Variants in DYRK4 observed in about 807,000 individuals in gnomAD.
DYRK4 encodes dual specificity tyrosine phosphorylation regulated kinase 4, also known as dual specificity tyrosine-phosphorylation-regulated kinase 4.
A neutral mutation model predicts 68.3 loss-of-function variants in DYRK4; 64 were observed. That is an observed-to-expected ratio of 0.94 (90% confidence interval 0.77 to 1.15). DYRK4 has a LOEUF of 1.15. Among genes scored for constraint, DYRK4 ranks in the 50% most tolerant of loss-of-function variants. DYRK4 has a pLI of 0.00. For synonymous variants in DYRK4, 274 were observed against 289.9 expected (o/e 0.95, Z 0.56); for missense variants, 740 against 764.7 (o/e 0.97, Z 0.38).
intron 8 of DYRK4, among the ~76,000 whole-genome samples, chr12:4,597,359 A>G (rs1945030478): frequency 6.6e-6 from 1 of 152,252 alleles, no homozygotes; most frequent in African/African-American, 2.4e-5. Flanking sequence ...GTGAGCTCTC[A>G]GAGTGTTACT....
chr12:4,598,036 A>G (rs1252460546), intron 8 of DYRK4, among the ~76,000 whole-genome samples: 1 of 152,232 alleles, frequency 6.6e-6, no homozygotes, highest in Non-Finnish European at 1.5e-5. Context: ...ACTGCACTCC[A>G]GCCTGGTCAA....
chr12:4,605,873 T>G (rs2137398657), intron 11 of DYRK4, among the ~76,000 whole-genome samples: 1 of 151,606 alleles, frequency 6.6e-6, no homozygotes, highest in South Asian at 2.1e-4. Flanking sequence ...AGGAAGCCTG[T>G]TCTAATTAAT....
chr12:4,595,986 T>C (rs1945013224), intron 6 of DYRK4, among the ~76,000 whole-genome samples, 163 bp from the exon 7 acceptor site: 1 of 152,186 alleles, frequency 6.6e-6, no homozygotes, highest in Admixed American at 6.5e-5. Flanking sequence ...CTCCTCATCA[T>C]AGTCGCAATG....
intron 1 of DYRK4, among the ~76,000 whole-genome samples, chr12:4,562,782 C>T (rs997303154): frequency 6.6e-6 from 1 of 152,234 alleles, no homozygotes; most frequent in Non-Finnish European, 1.5e-5. Flanking sequence ...CCTCTGTGCT[C>T]AACCAGGGCC....
rs140237815 is a variant in DYRK4 at position 4,604,939 on chromosome 12, C to T, written c.1152C>T (p.Phe384=). 4 of 1,611,478 alleles carry T rather than the reference C, an allele frequency of 2.5e-6. No homozygotes were observed. The African/African-American group carries it at 4.0e-5, about 16-fold the overall frequency. ...TATACACGTACATCCAAAGCCGGTT[C>T]TACCGATCCCCAGAAGTGATCCTGG... ...QKVYTYIQSR[F]YRSPEVILGH... is the part of the protein sequence containing the mutation. Residue 384 remains phenylalanine (F), a synonymous_variant, in exon 11 of 15, where the codon TTC becomes TTT. Coordinates refer to ENST00000543431, the MANE Select transcript of DYRK4 (RefSeq NM_001394779.1).
At chr12:4,588,663 G>A (rs1054694024) in intron 2 of DYRK4, among the ~76,000 whole-genome samples, 1 of 152,182 alleles carries the variant, frequency 6.6e-6, no homozygotes, top group African/African-American at 2.4e-5. Context: ...TTAAGATTTT[G>A]TTGGAAGAAA....
chr12:4,585,008 C>T (rs759172837), intron 2 of DYRK4, among the ~76,000 whole-genome samples: 37 of 152,230 alleles, frequency 2.4e-4, no homozygotes, highest in African/African-American at 7.0e-4. Context: ...ACTCACAAGA[C>T]GGCAGAGGAG....
chr12:4,587,428 C>T (rs898112902), intron 2 of DYRK4, among the ~76,000 whole-genome samples: 2 of 152,158 alleles, frequency 1.3e-5, no homozygotes, highest in African/African-American at 4.8e-5. Flanking sequence ...CCCTTTGTTT[C>T]GTATTTAGTT....
chr12:4,569,376 A>G (rs1944708730), intron 2 of DYRK4, among the ~76,000 whole-genome samples: 1 of 152,236 alleles, frequency 6.6e-6, no homozygotes. Context: ...CAAACAGAAC[A>G]GTATTGGTTA....
intron 12 of DYRK4, 147 bp downstream of exon 12, chr12:4,607,534 G>A: frequency 1.2e-6 from 1 of 862,388 alleles, no homozygotes; most frequent in Non-Finnish European, 1.8e-6. Context: ...AATGAGCAGG[G>A]GAATCGGATA....
chr12:4,580,994 T>C (rs1944836780), intron 2 of DYRK4: 2 of 402,528 alleles, frequency 5.0e-6, no homozygotes, highest in African/African-American at 2.1e-5. Flanking sequence ...ACATCCAGCG[T>C]TCGGTCCAAG....
At chr12:4,582,407 G>A (rs1944852425) in intron 2 of DYRK4, among the ~76,000 whole-genome samples, 1 of 152,196 alleles carries the variant, frequency 6.6e-6, no homozygotes, top group Admixed American at 6.5e-5. Flanking sequence ...TGGCGCCACT[G>A]CACTCCAGCA....
intron 1 of DYRK4, among the ~76,000 whole-genome samples, chr12:4,565,908 C>T (rs1246745997): frequency 1.3e-5 from 2 of 152,188 alleles, no homozygotes; most frequent in Non-Finnish European, 2.9e-5. Context: ...GGATTACAGG[C>T]GTGAGCCACC....
At chr12:4,588,561 G>A (rs1944920962) in intron 2 of DYRK4, among the ~76,000 whole-genome samples, 1 of 152,178 alleles carries the variant, frequency 6.6e-6, no homozygotes, top group African/African-American at 2.4e-5. Context: ...CACTCAGGGC[G>A]AAAAGACTTC....
chr12:4,606,838 T>A (rs553305015), intron 11 of DYRK4, among the ~76,000 whole-genome samples: 1 of 152,364 alleles, frequency 6.6e-6, no homozygotes, highest in African/African-American at 2.4e-5. Context: ...TCCTTATCTC[T>A]GTGTGCCCCT....
Position 4,607,324 on chromosome 12 carries a change from A to C in DYRK4, c.1300-3A>C. 1 of 1,614,196 alleles carries C rather than the reference A, an allele frequency of 6.2e-7. No individual in the cohort carries two copies. The highest frequency in any genetic ancestry group is 8.5e-7 in the Non-Finnish European group (1 of 1,180,022). On this transcript the variant is annotated splice_polypyrimidine_tract_variant and splice_region_variant and intron_variant, in intron 11 of 14. Coordinates refer to ENST00000543431, the MANE Select transcript of DYRK4 (RefSeq NM_001394779.1). ...ATGAACCAATTGAATTATCCTTATTAAGGTGCTGGGTCTGCCGCCAGCCGG... is the reference window on the plus strand; with the variant it reads ...ATGAACCAATTGAATTATCCTTATTCAGGTGCTGGGTCTGCCGCCAGCCGG...
chr12:4,573,319 T>C (rs1246084874), intron 2 of DYRK4: 1 of 1,289,564 alleles, frequency 7.8e-7, no homozygotes. Context: ...GTTTTCCCCA[T>C]TCTTTCCTAG....
At chr12:4,577,690 T>C (rs1944803264) in intron 2 of DYRK4, among the ~76,000 whole-genome samples, 1 of 152,208 alleles carries the variant, frequency 6.6e-6, no homozygotes, top group Non-Finnish European at 1.5e-5. Flanking sequence ...CTGATTGGGA[T>C]TGTGTTGAAT....
In DYRK4 at chr12:4,612,542, G is replaced by C. The variant is rs1945234559; in HGVS notation, c.1491-1G>C. 6.2e-7 allele frequency: 1 copy of C among 1,613,904 alleles called. No individual in the cohort carries two copies. The highest frequency in any genetic ancestry group is 8.5e-7 in the Non-Finnish European group (1 of 1,179,790). ...CCATGTGGGGCTTTGTTGGGGTGCA[G>C]ATGGGAACCTTCTCTTCGCATGACC... is the stretch of plus-strand genomic sequence containing the variant. On this transcript the variant is annotated splice_acceptor_variant, in intron 13 of 14. Transcript: ENST00000543431. LOFTEE classifies it high-confidence loss of function.
Sources: gnomAD v4.1 joint callset for allele counts (sites outside exome capture counted in the v4.1 genomes callset) on GRCh38, gnomAD v4.1.1 for gene constraint, MANE v1.5 for transcripts, NCBI Gene and HGNC (gene_info 2026-07-23, HGNC 2026-07-21) for gene names.